GNG12: variants seen among roughly 807,000 people sequenced by gnomAD.
GNG12 encodes the protein guanine nucleotide-binding protein G(I)/G(S)/G(O) subunit gamma-12.
For synonymous variants in GNG12, 28 were observed against 29.7 expected (o/e 0.94, Z 0.19); for missense variants, 69 against 83.8 (o/e 0.82, Z 0.69).
intron 2 of GNG12, among the ~76,000 whole-genome samples, chr1:67,769,712 C>A (rs79437180): frequency 1.2e-3 from 178 of 152,256 alleles, no homozygotes; most frequent in African/African-American, 4.1e-3. Flanking sequence ...AACAGGGTGT[C>A]TAAGCTTCGC....
chr1:67,816,130 C>T (rs1646951739), intron 1 of GNG12, among the ~76,000 whole-genome samples: 1 of 152,034 alleles, frequency 6.6e-6, no homozygotes, highest in South Asian at 2.1e-4. Flanking sequence ...TATCTTGAGA[C>T]TTTTTTTTCT....
rs1233639499 is a variant in GNG12 at position 67,703,459 on chromosome 1, T to C, written c.*1992A>G. ...TTTAAAGAAACGTTAAAAATCAGAG[T>C]GAAAATCAGATTAGTGTTCTGAAAC... On this transcript the variant is annotated 3_prime_UTR_variant, in exon 4 of 4. Coordinates refer to ENST00000370982, the MANE Select transcript of GNG12 (RefSeq NM_018841.6). 2 of 152,038 alleles carry C rather than the reference T, an allele frequency of 1.3e-5. No individual in the cohort carries two copies. The highest frequency in any genetic ancestry group is 3.8e-4 in the East Asian group (2 of 5,198). The allele number at this position is 152,038 out of a possible 1,614,324, so 9.4% of individuals were successfully genotyped here. A position where few individuals can be genotyped will look rare whatever the true frequency, so the allele number is the denominator to read the frequency against.
chr1:67,807,469 A>G (rs1281142625), intron 1 of GNG12, among the ~76,000 whole-genome samples: 2 of 151,862 alleles, frequency 1.3e-5, no homozygotes, highest in African/African-American at 2.4e-5. Flanking sequence ...GAAAAAAATC[A>G]AAGCAAAAAA....
chr1:67,707,805 G>T, intron 2 of GNG12, 93 bp from the exon 3 acceptor site: 2 of 640,892 alleles, frequency 3.1e-6, no homozygotes, highest in Non-Finnish European at 5.2e-6. Context: ...GAAATAGATG[G>T]ATTTTCCTAG....
intron 1 of GNG12, among the ~76,000 whole-genome samples, chr1:67,796,834 A>T (rs189513260): frequency 1.3e-5 from 2 of 152,284 alleles, no homozygotes; most frequent in East Asian, 3.9e-4. Flanking sequence ...AGTTCTGCAG[A>T]CTGTATAAGA....
Position 67,705,541 on chromosome 1 carries a change from A to C in GNG12, c.129T>G (p.Cys43Trp). 1 of 1,613,926 alleles carries C rather than the reference A, an allele frequency of 6.2e-7. No homozygotes were observed. Among genetic ancestry groups the C allele is most frequent in the Non-Finnish European group, 8.5e-7 (1 of 1,179,944 alleles). ...AAGGGTCACTCCTGGCATGTTCCTC[A>C]CAGTAGGACATGAGGTCCGCTGATG... ...SKASADLMSY[C>W]EEHARSDPLL... The change falls in exon 4 of 4, where the codon TGT becomes TGG. Residue 43 changes from cysteine to tryptophan, a missense_variant. By Grantham distance (215) the Cys-to-Trp change is radical. Transcript: ENST00000370982.
Position 67,816,624 on chromosome 1 carries a change from C to T in GNG12, c.-77+16720G>A, listed in dbSNP as rs533097212. Reference sequence around the variant, plus strand: ...GGCCCTGCCACTTACGGTGTGACTCCTAAATACCTGTGGGGCAGCAGTGAG... The same window carrying T: ...GGCCCTGCCACTTACGGTGTGACTCTTAAATACCTGTGGGGCAGCAGTGAG... On this transcript the variant is annotated intron_variant, in intron 1 of 3. Transcript: ENST00000370982. Among the ~76,000 whole-genome samples the T allele has an allele frequency of 7.4e-4, 112 of 152,280 alleles. 1 individual carries two copies. Among genetic ancestry groups the T allele is most frequent in the South Asian group, 2.1e-3 (10 of 4,826 alleles).
intron 1 of GNG12, among the ~76,000 whole-genome samples, chr1:67,813,231 G>A (rs1646936009): frequency 6.6e-6 from 1 of 152,076 alleles, no homozygotes; most frequent in Non-Finnish European, 1.5e-5. Flanking sequence ...TATTTCAAGG[G>A]TCATCATAAG....
intron 2 of GNG12, among the ~76,000 whole-genome samples, chr1:67,711,209 G>A (rs1193542378): frequency 6.6e-6 from 1 of 152,202 alleles, no homozygotes; most frequent in African/African-American, 2.4e-5. Context: ...TTGGGAAGTC[G>A]ATTAAATGGG....
chr1:67,735,672 T>C (rs1646448699), intron 2 of GNG12, among the ~76,000 whole-genome samples: 2 of 152,294 alleles, frequency 1.3e-5, no homozygotes, highest in East Asian at 1.9e-4. Context: ...AGAAAGGAAC[T>C]ATGAGAATTC....
At chr1:67,783,621 T>A (rs556446542) in intron 1 of GNG12, among the ~76,000 whole-genome samples, 6 of 151,562 alleles carry the variant, frequency 4.0e-5, no homozygotes, top group Admixed American at 2.0e-4. Context: ...ACAAATTTAC[T>A]AGAAAAAAAC....
chr1:67,730,780 C>G (rs1409545176), intron 2 of GNG12, among the ~76,000 whole-genome samples: 1 of 152,032 alleles, frequency 6.6e-6, no homozygotes, highest in Non-Finnish European at 1.5e-5. Context: ...TCAAATATTC[C>G]CAATTAACTG....
rs144904704 is a variant in GNG12, at chr1:67,740,650, G to A, written c.-26-32938C>T. Among the ~76,000 whole-genome samples the A allele has an allele frequency of 3.3e-5, 5 of 152,320 alleles. No homozygotes were observed. The East Asian group carries it at 9.6e-4, about 29-fold the overall frequency. On this transcript the variant is annotated intron_variant, in intron 2 of 3. Coordinates refer to ENST00000370982, the MANE Select transcript of GNG12 (RefSeq NM_018841.6). ...GTTTGTGTCTCCCCAAAATTCATAT[G>A]TTGAAATCCTAACCCCATGGTGACA...
At chr1:67,739,498 G>C (rs1646471034) in intron 2 of GNG12, among the ~76,000 whole-genome samples, 1 of 152,224 alleles carries the variant, frequency 6.6e-6, no homozygotes, top group Admixed American at 6.5e-5. Context: ...TCACACAACT[G>C]ATGAAAAGTA....
intron 1 of GNG12, among the ~76,000 whole-genome samples, chr1:67,803,927 G>A (rs1235428611): frequency 2.0e-5 from 3 of 152,330 alleles, no homozygotes; most frequent in East Asian, 1.9e-4. Flanking sequence ...AAACAGCAGT[G>A]AAGCAAAAAA....
chr1:67,766,621 T>C (rs891285969), intron 2 of GNG12, among the ~76,000 whole-genome samples: 6 of 149,996 alleles, frequency 4.0e-5, no homozygotes, highest in South Asian at 2.1e-4. Context: ...TTTTTTTTTT[T>C]CCAGGAGAAT....
Position 67,705,192 on chromosome 1 carries a change from A to G in GNG12, c.*259T>C, listed in dbSNP as rs1266940753. 3.3e-6 allele frequency: 1 copy of G among 298,768 alleles called. No individual in the cohort carries two copies. Among genetic ancestry groups the G allele is most frequent in the African/African-American group, 2.2e-5 (1 of 45,722 alleles). The allele number at this position is 298,768 out of a possible 1,614,324, so 18.5% of individuals were successfully genotyped here. On this transcript the variant is annotated 3_prime_UTR_variant, in exon 4 of 4. Coordinates refer to ENST00000370982, the MANE Select transcript of GNG12 (RefSeq NM_018841.6). ...TATGTTTTTAAAAAGGCCCAGATCAACTTTCCTTAAACAGTAACCCAACAT... is the reference window on the plus strand; with the variant it reads ...TATGTTTTTAAAAAGGCCCAGATCAGCTTTCCTTAAACAGTAACCCAACAT...
rs773827461 is a variant in GNG12, at chr1:67,768,316, A to C, written c.-27+9142T>G. Among the ~76,000 whole-genome samples the C allele has an allele frequency of 4.5e-4, 69 of 152,228 alleles. 2 individuals carry two copies. Among genetic ancestry groups the C allele is most frequent in the Admixed American group, 2.0e-4 (3 of 15,286 alleles). On this transcript the variant is annotated intron_variant, in intron 2 of 3. Coordinates refer to ENST00000370982, the MANE Select transcript of GNG12 (RefSeq NM_018841.6). ...TATAGATTTGAGGCTGGGCAGGTTG[A>C]GCCTTATTGTTAGTCCCTGTGCCAT...
intron 2 of GNG12, among the ~76,000 whole-genome samples, chr1:67,744,732 T>A (rs971436030): frequency 6.6e-6 from 1 of 152,196 alleles, no homozygotes; most frequent in African/African-American, 2.4e-5. Context: ...ATGTAACATG[T>A]CCCATGTTAC....
Sources: allele counts gnomAD v4.1 joint callset (sites outside exome capture counted in the v4.1 genomes callset), GRCh38; gene constraint gnomAD v4.1.1; transcripts MANE v1.5; gene names NCBI Gene and HGNC (gene_info 2026-07-23, HGNC 2026-07-21).